The following RASD2 variants were observed in gnomAD, a reference collection of about 807,000 sequenced individuals.
The protein encoded by RASD2 is RASD family member 2, also known as GTP-binding protein Rhes.
Under a neutral mutation model 15.8 loss-of-function variants are expected in RASD2, and 7 were observed. That is an observed-to-expected ratio of 0.44 (90% confidence interval 0.25 to 0.83). RASD2 has a LOEUF of 0.83. Among genes scored for constraint, RASD2 ranks in the 40% least tolerant of loss-of-function variants. The pLI is 0.20. For synonymous variants in RASD2, 155 were observed against 153.6 expected (o/e 1.01, Z -0.07); for missense variants, 274 against 382.8 (o/e 0.72, Z 2.37).
chr22:35,538,824 C>T (rs950423883), upstream of RASD2, among the ~76,000 whole-genome samples: 23 of 152,350 alleles, frequency 1.5e-4, no homozygotes, highest in Non-Finnish European at 2.9e-4. Context: ...AAGCGTGCCA[C>T]CCTGCTCACC....
chr22:35,537,384 G>A (rs1464744416), upstream of RASD2, among the ~76,000 whole-genome samples: 2 of 152,210 alleles, frequency 1.3e-5, no homozygotes, highest in African/African-American at 4.8e-5. Context: ...AATCAGGCTC[G>A]GTCCCCACTC....
upstream of RASD2, among the ~76,000 whole-genome samples, chr22:35,537,805 G>A (rs1934263863): frequency 6.6e-6 from 1 of 152,202 alleles, no homozygotes; most frequent in African/African-American, 2.4e-5. Flanking sequence ...AAGCTCAGAG[G>A]AGGGATAGCT....
upstream of RASD2, among the ~76,000 whole-genome samples, chr22:35,539,468 C>G (rs1272336298): frequency 6.6e-6 from 1 of 152,218 alleles, no homozygotes; most frequent in Admixed American, 6.5e-5. Flanking sequence ...CATCCCATCC[C>G]TTTGCTGTAT....
Position 35,545,170 on chromosome 22 carries a change from G to A in RASD2, c.-9-1631G>A, listed in dbSNP as rs143342305. ...TTTAACAAAGGTATTTTTGAGAGCC[G>A]GTTTCCTGCACAGAGGCTGGTAGTT... On this transcript the variant is annotated intron_variant, in intron 1 of 2. Coordinates refer to ENST00000216127, the MANE Select transcript of RASD2 (RefSeq NM_014310.4). Among the ~76,000 whole-genome samples the A allele has an allele frequency of 1.3e-4, 20 of 152,286 alleles. No individual in the cohort carries two copies. In the East Asian group the frequency reaches 3.1e-3, roughly 24 times the overall value.
chr22:35,547,952 C>A (rs1934557077), intron 2 of RASD2, among the ~76,000 whole-genome samples: 1 of 152,240 alleles, frequency 6.6e-6, no homozygotes, highest in African/African-American at 2.4e-5. Flanking sequence ...AATAGTTATT[C>A]ATTCCCTTTT....
upstream of RASD2, among the ~76,000 whole-genome samples, chr22:35,537,381 C>G (rs1168907284): frequency 6.6e-6 from 1 of 152,200 alleles, no homozygotes; most frequent in Non-Finnish European, 1.5e-5. Flanking sequence ...ATGAATCAGG[C>G]TCGGTCCCCA....
chr22:35,535,155 A>G, the RASD2 span, among the ~76,000 whole-genome samples: 1 of 152,188 alleles, frequency 6.6e-6, no homozygotes, highest in African/African-American at 2.4e-5. Flanking sequence ...TGTAATTTCA[A>G]CACATTGGGA....
chr22:35,540,493 C>T (rs1048196084), upstream of RASD2, among the ~76,000 whole-genome samples: 2 of 150,344 alleles, frequency 1.3e-5, no homozygotes, highest in Non-Finnish European at 3.0e-5. Flanking sequence ...CTCTGGGGGG[C>T]AGACGCTGGC....
upstream of RASD2, among the ~76,000 whole-genome samples, chr22:35,540,675 C>G (rs1934322031): frequency 2.0e-5 from 3 of 152,082 alleles, no homozygotes; most frequent in Admixed American, 2.0e-4. Context: ...CATCTGCCTG[C>G]GAGAGGGGGA....
At chr22:35,537,396 A>G (rs144257019), upstream of RASD2, among the ~76,000 whole-genome samples, 2 of 152,364 alleles carry the variant, frequency 1.3e-5, no homozygotes, top group Non-Finnish European at 2.9e-5. Flanking sequence ...TCCCCACTCA[A>G]AAGAGCTCAC....
chr22:35,533,878 T>C, the RASD2 span, among the ~76,000 whole-genome samples: 5 of 151,460 alleles, frequency 3.3e-5, no homozygotes, highest in African/African-American at 1.2e-4. Context: ...GTGATGGTGA[T>C]GATGATGATG....
chr22:35,547,579 A>G (rs1028525443), intron 2 of RASD2, among the ~76,000 whole-genome samples: 4 of 152,196 alleles, frequency 2.6e-5, no homozygotes, highest in Non-Finnish European at 5.9e-5. Flanking sequence ...GCTGACACTT[A>G]TCAGAAGCTA....
At chr22:35,547,289 G>T (rs906746194) in intron 2 of RASD2, among the ~76,000 whole-genome samples, 2 of 152,238 alleles carry the variant, frequency 1.3e-5, no homozygotes, top group Non-Finnish European at 2.9e-5. Flanking sequence ...ACTCCAGATC[G>T]ATTACTCATG....
At chr22:35,536,430 A>G (rs1333111862), upstream of RASD2, among the ~76,000 whole-genome samples, 2 of 150,922 alleles carry the variant, frequency 1.3e-5, no homozygotes, top group African/African-American at 4.9e-5. Context: ...GGTTCATGCC[A>G]TTCTGCTGCC....
At chr22:35,547,981 A>G (rs1934557869) in intron 2 of RASD2, among the ~76,000 whole-genome samples, 1 of 152,222 alleles carries the variant, frequency 6.6e-6, no homozygotes, top group Admixed American at 6.5e-5. Context: ...GGGAAACTGA[A>G]GCCCAGAGAG....
intron 2 of RASD2, among the ~76,000 whole-genome samples, chr22:35,547,757 G>T (rs1198945951): frequency 6.6e-6 from 1 of 152,158 alleles, no homozygotes; most frequent in Non-Finnish European, 1.5e-5. Context: ...TGGGACTACA[G>T]GCATGTGCCA....
chr22:35,550,868 CG>C (rs1934646150), intron 2 of RASD2, among the ~76,000 whole-genome samples: 1 of 152,178 alleles, frequency 6.6e-6, no homozygotes, highest in African/African-American at 2.4e-5. Flanking sequence ...AAGAGAACAA[CG>C]GGCCTGGAGC....
chr22:35,546,314 G>A (rs997656614), intron 1 of RASD2, among the ~76,000 whole-genome samples: 12 of 152,194 alleles, frequency 7.9e-5, no homozygotes, highest in South Asian at 4.1e-4. Context: ...ATGCATGCTA[G>A]TGCCTTCCCC....
chr22:35,534,977 C>A, the RASD2 span, among the ~76,000 whole-genome samples: 1 of 152,190 alleles, frequency 6.6e-6, no homozygotes, highest in African/African-American at 2.4e-5. Flanking sequence ...ACTATTTATT[C>A]ATTCATCCAA....
Sources: gnomAD v4.1 joint callset for allele counts (sites outside exome capture counted in the v4.1 genomes callset) on GRCh38, gnomAD v4.1.1 for gene constraint, MANE v1.5 for transcripts, NCBI Gene and HGNC (gene_info 2026-07-23, HGNC 2026-07-21) for gene names.